Variants in DACH2 observed in about 807,000 individuals in gnomAD.
DACH2 encodes the protein dachshund homolog 2.
In DACH2, 17 loss-of-function variants were observed where a neutral mutation model predicts 35.8. The ratio of observed to expected loss-of-function variants is 0.48; its 90% confidence interval spans 0.33 to 0.71. DACH2 has a LOEUF of 0.71. Among genes scored for constraint, DACH2 ranks in the 30% least tolerant of loss-of-function variants. DACH2 has a pLI of 0.02. For missense variants in DACH2, 469 were observed against 472.7 expected (o/e 0.99, Z 0.07); for synonymous variants, 195 against 177.3 (o/e 1.10, Z -0.79).
intron 2 of DACH2, among the ~76,000 whole-genome samples, chrX:86,498,144 C>T (rs1156497511): frequency 8.9e-6 from 1 of 111,852 alleles, no homozygotes; most frequent in Non-Finnish European, 1.9e-5. Flanking sequence ...AGTATTCACT[C>T]ACTGACTGAC....
chrX:86,218,992 T>C (rs945098459), intron 1 of DACH2, among the ~76,000 whole-genome samples: 1 of 111,952 alleles, frequency 8.9e-6, no homozygotes, highest in African/African-American at 3.2e-5. Context: ...GTCCACCAAA[T>C]ACACAATGGA....
intron 3 of DACH2, among the ~76,000 whole-genome samples, chrX:86,627,484 G>A (rs1055103711): frequency 9.0e-6 from 1 of 111,169 alleles, no homozygotes. Context: ...TTTGATATTT[G>A]TATCTCAAAA....
Position 86,809,732 on chromosome X carries a change from G to A in DACH2, c.1241-3124G>A, listed in dbSNP as rs185085450. Among the ~76,000 whole-genome samples, 15 of 110,530 alleles carry A rather than the reference G, an allele frequency of 1.4e-4. No individual in the cohort carries two copies. In the East Asian group the frequency reaches 3.4e-3, roughly 25 times the overall value. On this transcript the variant is annotated intron_variant, in intron 7 of 11. Coordinates refer to ENST00000373125, the MANE Select transcript of DACH2 (RefSeq NM_053281.3). ...AGGACTAGGAAATTTATTGCTTGTG[G>A]GACAGGTAGGATATGAACAATGGGC...
chrX:86,525,866 C>T (rs1292774262), intron 3 of DACH2, among the ~76,000 whole-genome samples: 2 of 111,595 alleles, frequency 1.8e-5, no homozygotes, highest in Non-Finnish European at 3.8e-5. Context: ...AAGACATTTC[C>T]ATCCCTAGGG....
At chrX:86,556,072 C>T (rs1000932899) in intron 3 of DACH2, among the ~76,000 whole-genome samples, 1 of 111,760 alleles carries the variant, frequency 8.9e-6, no homozygotes, top group Non-Finnish European at 1.9e-5. Context: ...AAAAGAGAGG[C>T]ATTTGCCAAT....
chrX:86,485,671 C>T (rs1428444383), intron 2 of DACH2, among the ~76,000 whole-genome samples: 1 of 111,045 alleles, frequency 9.0e-6, no homozygotes, highest in African/African-American at 3.3e-5. Flanking sequence ...AAAAAATCTT[C>T]CAACCGATTT....
At chrX:86,340,593 C>A (rs147278137) in intron 1 of DACH2, among the ~76,000 whole-genome samples, 1,575 of 111,277 alleles carry the variant, frequency 0.014, 21 homozygotes, top group African/African-American at 0.049. Flanking sequence ...AAGGAAGAGT[C>A]ACACATCTCT....
intron 1 of DACH2, among the ~76,000 whole-genome samples, chrX:86,193,928 T>G (rs1353068358): frequency 1.8e-5 from 2 of 109,578 alleles, no homozygotes; most frequent in African/African-American, 6.6e-5. Context: ...TATTTATTTA[T>G]TTTTAAGTGG....
chrX:86,496,499 T>C (rs2038174120), intron 2 of DACH2, among the ~76,000 whole-genome samples: 1 of 110,784 alleles, frequency 9.0e-6, no homozygotes, highest in Non-Finnish European at 1.9e-5. Context: ...AAATTTGATA[T>C]GTAAACTTTT....
chrX:86,358,431 C>CCACACACACA (rs752012562), intron 1 of DACH2, among the ~76,000 whole-genome samples: 6 of 87,538 alleles, frequency 6.9e-5, no homozygotes, highest in African/African-American at 1.7e-4. Context: ...CCCAGCCCCG[C>CCACACACACA]CACACACACA....
At chrX:86,557,107 C>G (rs1270452292) in intron 3 of DACH2, among the ~76,000 whole-genome samples, 1 of 109,912 alleles carries the variant, frequency 9.1e-6, no homozygotes, top group Non-Finnish European at 1.9e-5. Flanking sequence ...GCAACTGAAA[C>G]AAAAGCAAAT....
intron 1 of DACH2, among the ~76,000 whole-genome samples, chrX:86,203,243 A>G (rs1341261216): frequency 9.0e-6 from 1 of 111,502 alleles, no homozygotes; most frequent in Non-Finnish European, 1.9e-5. Context: ...AAGGCTTACT[A>G]TACAGATTTA....
At chrX:86,401,726 A>AG (rs2148132474) in intron 2 of DACH2, among the ~76,000 whole-genome samples, 1 of 110,155 alleles carries the variant, frequency 9.1e-6, no homozygotes, top group East Asian at 2.8e-4. Flanking sequence ...ACAAAAAAAA[A>AG]AAGAAAAAAA....
rs188136738 is a variant in DACH2, at chrX:86,703,036, C to A, written c.931+7857C>A. ...AAATCCTCAATAAATTACAAGAAAA[C>A]CAAATCCAACAACACATCAAAAAGA... On this transcript the variant is annotated intron_variant, in intron 5 of 11. Transcript: ENST00000373125. 1.9e-3 allele frequency among the ~76,000 whole-genome samples: 209 copies of A among 110,982 alleles called. 7 individuals are homozygous for A. In the East Asian group the frequency reaches 0.05, roughly 27 times the overall value.
intron 9 of DACH2, among the ~76,000 whole-genome samples, chrX:86,814,148 G>A (rs1299707815): frequency 8.9e-6 from 1 of 111,733 alleles, no homozygotes; most frequent in Non-Finnish European, 1.9e-5. Flanking sequence ...GAGAGAGACT[G>A]ATGATATGTA....
chrX:86,460,331 A>G (rs1405314238), intron 2 of DACH2, among the ~76,000 whole-genome samples: 1 of 111,032 alleles, frequency 9.0e-6, no homozygotes, highest in Non-Finnish European at 1.9e-5. Flanking sequence ...CAAATTATGC[A>G]TGTTATGTTT....
chrX:86,775,679 A>G (rs2042025402), intron 7 of DACH2, among the ~76,000 whole-genome samples: 1 of 111,882 alleles, frequency 8.9e-6, no homozygotes, highest in Non-Finnish European at 1.9e-5. Flanking sequence ...AGAACAAAAC[A>G]ATAGAAATTT....
intron 2 of DACH2, among the ~76,000 whole-genome samples, chrX:86,378,445 G>A (rs966402563): frequency 9.1e-6 from 1 of 110,041 alleles, no homozygotes; most frequent in Non-Finnish European, 1.9e-5. Flanking sequence ...GGTGAACCAG[G>A]GAGTATATAT....
At chrX:86,726,797 T>A (rs7059733) in intron 6 of DACH2, among the ~76,000 whole-genome samples, 3 of 111,044 alleles carry the variant, frequency 2.7e-5, no homozygotes, top group Admixed American at 9.5e-5. Flanking sequence ...TGTGGAGTCC[T>A]GGGAGCTTCT....
Sources: gnomAD v4.1 joint callset for allele counts (sites outside exome capture counted in the v4.1 genomes callset) on GRCh38, gnomAD v4.1.1 for gene constraint, MANE v1.5 for transcripts, NCBI Gene and HGNC (gene_info 2026-07-23, HGNC 2026-07-21) for gene names.